Variants in NFAT5 observed in about 807,000 individuals in gnomAD.
The protein encoded by NFAT5 is nuclear factor of activated T-cells 5.
NFAT5 carries 31 observed loss-of-function variants against 166.5 expected under a neutral mutation model. The ratio of observed to expected loss-of-function variants is 0.19; its 90% confidence interval spans 0.14 to 0.25. NFAT5 has a LOEUF of 0.25. Among genes scored for constraint, NFAT5 ranks in the 10% least tolerant of loss-of-function variants. The probability of loss-of-function intolerance (pLI) is 1.00; values close to 1 mark genes in which losing one functional copy is unlikely to be tolerated. For synonymous variants in NFAT5, 612 were observed against 639.7 expected (o/e 0.96, Z 0.65); for missense variants, 1,449 against 1,821.8 (o/e 0.80, Z 3.72).
At chr16:69,669,493 T>G (rs533017765) in intron 7 of NFAT5, among the ~76,000 whole-genome samples, 17 of 152,132 alleles carry the variant, frequency 1.1e-4, no homozygotes, top group African/African-American at 4.1e-4. Context: ...TGCGGTGAGC[T>G]GAGATCACAC....
At chr16:69,571,129 TAAAAAAAAA>T (rs56221116) in intron 2 of NFAT5, among the ~76,000 whole-genome samples, 4,348 of 31,314 alleles carry the variant, frequency 0.14, 352 homozygotes, top group African/African-American at 0.33. Context: ...CCATCTCTAC[TAAAAAAAAA>T]AAAAAAAAAA....
intron 2 of NFAT5, among the ~76,000 whole-genome samples, chr16:69,581,982 C>T (rs555134476): frequency 9.2e-5 from 14 of 151,958 alleles, no homozygotes; most frequent in Admixed American, 2.0e-4. Context: ...GTTATTAGGC[C>T]GGGTGGGCGC....
At chr16:69,622,747 C>A (rs1173825890) in intron 2 of NFAT5, among the ~76,000 whole-genome samples, 1 of 151,742 alleles carries the variant, frequency 6.6e-6, no homozygotes, top group Non-Finnish European at 1.5e-5. Context: ...AAATTTTTTT[C>A]CATCACATAA....
At chr16:69,620,446 T>C (rs1378900160) in intron 2 of NFAT5, among the ~76,000 whole-genome samples, 1 of 152,000 alleles carries the variant, frequency 6.6e-6, no homozygotes, top group Non-Finnish European at 1.5e-5. Context: ...TATCAGAAAA[T>C]AATCAGGTCA....
chr16:69,638,338 C>T (rs1056162139), intron 3 of NFAT5, among the ~76,000 whole-genome samples: 3 of 152,308 alleles, frequency 2.0e-5, no homozygotes, highest in African/African-American at 7.2e-5. Flanking sequence ...ATCTAACGTA[C>T]ACTTTACTCC....
At chr16:69,630,775 G>A (rs1226510342) in intron 3 of NFAT5, among the ~76,000 whole-genome samples, 1 of 152,154 alleles carries the variant, frequency 6.6e-6, no homozygotes, top group Admixed American at 6.5e-5. Context: ...TAGGTATTAG[G>A]AGAACTAAAT....
At chr16:69,606,810 C>T (rs1339004797) in intron 2 of NFAT5, among the ~76,000 whole-genome samples, 8 of 152,164 alleles carry the variant, frequency 5.3e-5, no homozygotes, top group Middle Eastern at 6.8e-3. Flanking sequence ...GCTGAGATGG[C>T]GCCATTGCAC....
At chr16:69,617,495 C>CTT (rs898627380) in intron 2 of NFAT5, among the ~76,000 whole-genome samples, 6 of 142,194 alleles carry the variant, frequency 4.2e-5, no homozygotes, top group South Asian at 2.2e-4. Flanking sequence ...ATTTTCTTTT[C>CTT]TTTTTTTTTT....
intron 2 of NFAT5, among the ~76,000 whole-genome samples, chr16:69,625,062 G>C (rs922113541): frequency 6.6e-6 from 1 of 151,952 alleles, no homozygotes; most frequent in Non-Finnish European, 1.5e-5. Flanking sequence ...ACCATGCCCA[G>C]CTAATTTTTT....
At chr16:69,641,424 T>C (rs545725086) in intron 3 of NFAT5, among the ~76,000 whole-genome samples, 1 of 152,228 alleles carries the variant, frequency 6.6e-6, no homozygotes, top group South Asian at 2.1e-4. Context: ...TTTTTTAAAC[T>C]AGCTTTTTTA....
chr16:69,676,441 A>G (rs945857262), intron 9 of NFAT5, among the ~76,000 whole-genome samples: 1 of 152,240 alleles, frequency 6.6e-6, no homozygotes, highest in Non-Finnish European at 1.5e-5. Flanking sequence ...AGCGAACTGC[A>G]TTGTGAAATA....
intron 2 of NFAT5, among the ~76,000 whole-genome samples, chr16:69,583,039 A>G (rs2031800739): frequency 6.6e-6 from 1 of 151,550 alleles, no homozygotes; most frequent in Non-Finnish European, 1.5e-5. Flanking sequence ...TTATTTCAAC[A>G]ATTATTTTAA....
In NFAT5 at chr16:69,593,411, A is replaced by G. The variant is rs1270901287; in HGVS notation, c.127+24863A>G. Among the ~76,000 whole-genome samples, 3 of 152,214 alleles carry G rather than the reference A, an allele frequency of 2.0e-5. No homozygotes were observed. The East Asian group carries it at 5.8e-4, about 29-fold the overall frequency. ...CTGTAGCCTCCACCTCCTGGGCTCA[A>G]GCAGTGCTCCCACCTCAGCCTTCCA... On this transcript the variant is annotated intron_variant, in intron 2 of 14. Transcript: ENST00000349945.
At chr16:69,606,504 G>A (rs11860750) in intron 2 of NFAT5, among the ~76,000 whole-genome samples, 6,588 of 151,520 alleles carry the variant, frequency 0.043, 487 homozygotes, top group African/African-American at 0.15. Context: ...CTGTGCAGGC[G>A]AAACAGAACA....
chr16:69,630,456 C>A (rs912543773), intron 3 of NFAT5, among the ~76,000 whole-genome samples: 1 of 152,140 alleles, frequency 6.6e-6, no homozygotes, highest in South Asian at 2.1e-4. Flanking sequence ...CAGGTGTAAG[C>A]CACCACACTG....
At position 69,659,812 on chromosome 16, in the gene NFAT5, C is replaced by T. The variant is rs780672965; in HGVS notation, c.1282C>T (p.Arg428Cys). 6.2e-7 allele frequency: 1 copy of T among 1,613,954 alleles called. No homozygotes were observed. The highest frequency in any genetic ancestry group is 1.1e-5 in the South Asian group (1 of 91,066). ...TGCTGGTTCCAAGAAGAAAAGCACT[C>T]GTGCCAGATTGGTTTTTCGAGTTAA... ...GIAGSKKKST[R>C]ARLVFRVNIM... The change falls in exon 7 of 15, where the codon CGT becomes TGT. Residue 428 changes from arginine to cysteine, a missense_variant. Arg to Cys is a radical substitution (Grantham distance 180). Around this residue, in one of 7 missense-constraint regions of NFAT5, gnomAD observed 245 missense variants for 366.6 expected, o/e 0.67. Coordinates refer to ENST00000349945, the MANE Select transcript of NFAT5 (RefSeq NM_138713.4).
chr16:69,579,998 A>G (rs1168312785), intron 2 of NFAT5, among the ~76,000 whole-genome samples: 1 of 152,224 alleles, frequency 6.6e-6, no homozygotes, highest in African/African-American at 2.4e-5. Context: ...TAAGCAAAAT[A>G]AAAGTATGTA....
At position 69,692,260 on chromosome 16, in the gene NFAT5, G is replaced by T. The variant is rs903831612; in HGVS notation, c.2435G>T (p.Ser812Ile). The change falls in exon 13 of 15, where the codon AGT becomes ATT. Residue 812 changes from serine to isoleucine, a missense_variant. Transcript: ENST00000349945. ...TGSTASGSSGSVDLVQQVLEA... is the reference protein window; with the variant it reads ...TGSTASGSSGIVDLVQQVLEA... ...AGTACTGCTAGTGGCAGCAGTGGAA[G>T]TGTTGACTTGGTCCAACAAGTTTTA... The T allele has an allele frequency of 6.2e-7, 1 of 1,614,068 alleles. No individual in the cohort carries two copies.
intron 4 of NFAT5, chr16:69,648,822 T>A: frequency 1.1e-6 from 1 of 944,606 alleles, no homozygotes; most frequent in Non-Finnish European, 1.3e-6. Flanking sequence ...ATCACTGATC[T>A]TTTTTTGGTT....
Sources: gnomAD v4.1 joint callset for allele counts (sites outside exome capture counted in the v4.1 genomes callset) on GRCh38, gnomAD v4.1.1 for gene constraint, gnomAD v4.1.1 regional missense constraint, MANE v1.5 for transcripts, NCBI Gene and HGNC (gene_info 2026-07-23, HGNC 2026-07-21) for gene names.